Variants in LRP1B observed in about 807,000 individuals in gnomAD.
LRP1B encodes the protein low-density lipoprotein receptor-related protein 1B.
LRP1B carries 217 observed loss-of-function variants against 556.6 expected under a neutral mutation model. The ratio of observed to expected loss-of-function variants is 0.39; its 90% CI spans 0.35 to 0.44. The LOEUF is 0.44. Ranked by LOEUF, LRP1B falls within the 20% of genes least tolerant of loss-of-function variation. The pLI is 1.00. For missense variants in LRP1B, 5,053 were observed against 5,620.8 expected (o/e 0.90, Z 3.23); for synonymous variants, 2,047 against 1,865.8 (o/e 1.10, Z -2.50).
intron 1 of LRP1B, among the ~76,000 whole-genome samples, chr2:142,102,889 A>C (rs1267725791): frequency 6.6e-6 from 1 of 151,892 alleles, no homozygotes; most frequent in African/African-American, 2.4e-5. Flanking sequence ...AATAACTAAG[A>C]ATAATTTGGT....
chr2:141,888,151 G>A (rs565535052), intron 1 of LRP1B, among the ~76,000 whole-genome samples: 34 of 152,234 alleles, frequency 2.2e-4, no homozygotes, highest in South Asian at 1.0e-3. Context: ...TGGTCAAAAT[G>A]TTCACCTAAT....
chr2:140,398,234 A>C (rs896260565), intron 66 of LRP1B, among the ~76,000 whole-genome samples: 2 of 152,180 alleles, frequency 1.3e-5, no homozygotes, highest in African/African-American at 2.4e-5. Flanking sequence ...ATTTTATCTA[A>C]ATTATTATTT....
intron 27 of LRP1B, among the ~76,000 whole-genome samples, chr2:140,861,946 T>C (rs114114799): frequency 0.011 from 1,610 of 152,338 alleles, 21 homozygotes; most frequent in African/African-American, 0.032. Flanking sequence ...GTGCCCTTTT[T>C]CTGAGCATTC....
intron 35 of LRP1B, among the ~76,000 whole-genome samples, chr2:140,761,034 C>T (rs573899171): frequency 3.3e-5 from 5 of 152,260 alleles, no homozygotes; most frequent in South Asian, 2.1e-4. Context: ...AAAATATATA[C>T]GTGTGAATTT....
intron 60 of LRP1B, among the ~76,000 whole-genome samples, chr2:140,473,630 T>C (rs1205097409): frequency 6.6e-6 from 1 of 151,912 alleles, no homozygotes; most frequent in Non-Finnish European, 1.5e-5. Flanking sequence ...CTATTCAGAC[T>C]TCAAAGACTC....
In LRP1B at chr2:140,485,330, A is replaced by C. The variant is rs529076512; in HGVS notation, c.9425+13T>G. 1.5e-5 allele frequency: 24 copies of C among 1,599,718 alleles called. No individual in the cohort carries two copies. The highest frequency in any genetic ancestry group is 1.3e-5 in the African/African-American group (1 of 74,114). ...AGTCTTAAACTTTAAGATTTTTAACAGTTTTTACAAACCCAGCTTGAGGAT... is the reference window on the plus strand; with the variant it reads ...AGTCTTAAACTTTAAGATTTTTAACCGTTTTTACAAACCCAGCTTGAGGAT... On this transcript the variant is annotated intron_variant, in intron 59 of 90. Transcript: ENST00000389484.
intron 7 of LRP1B, among the ~76,000 whole-genome samples, chr2:141,180,410 C>T (rs1208545901): frequency 2.0e-5 from 3 of 151,502 alleles, no homozygotes; most frequent in African/African-American, 4.8e-5. Context: ...TTCTTTTATG[C>T]TATTTGCACA....
intron 1 of LRP1B, among the ~76,000 whole-genome samples, chr2:141,988,045 C>A (rs1702247931): frequency 6.6e-6 from 1 of 151,668 alleles, no homozygotes; most frequent in African/African-American, 2.4e-5. Context: ...TCAATTATTT[C>A]TATGTCTAAA....
At chr2:141,891,718 T>C (rs1415551543) in intron 1 of LRP1B, among the ~76,000 whole-genome samples, 1 of 152,120 alleles carries the variant, frequency 6.6e-6, no homozygotes, top group Non-Finnish European at 1.5e-5. Context: ...TCTAAGCAAT[T>C]TATATTTTGC....
chr2:141,053,485 G>T (rs546373143), intron 10 of LRP1B, among the ~76,000 whole-genome samples: 1 of 152,006 alleles, frequency 6.6e-6, no homozygotes, highest in Non-Finnish European at 1.5e-5. Context: ...TCAGCTAAAT[G>T]GTATGTTTTT....
At position 140,356,337 on chromosome 2, in the gene LRP1B, T is replaced by C; in HGVS notation, c.11530+5A>G. 6.2e-7 allele frequency: 1 copy of C among 1,610,044 alleles called. No homozygotes were observed. Among genetic ancestry groups the C allele is most frequent in the Non-Finnish European group, 8.5e-7 (1 of 1,177,358 alleles). ...TGAGCAAACTGTTGAAGAAAAGTACTCTACCTTCACATTGTCTGTTTTTCA... is the reference window on the plus strand; with the variant it reads ...TGAGCAAACTGTTGAAGAAAAGTACCCTACCTTCACATTGTCTGTTTTTCA... On this transcript the variant is annotated splice_donor_5th_base_variant and intron_variant, in intron 75 of 90. Transcript: ENST00000389484.
chr2:141,323,995 TCACA>T (rs57960872), intron 3 of LRP1B, among the ~76,000 whole-genome samples: 2 of 107,252 alleles, frequency 1.9e-5, no homozygotes, highest in African/African-American at 3.7e-5. Context: ...AGCAAGGAAA[TCACA>T]CACACACACA....
intron 2 of LRP1B, among the ~76,000 whole-genome samples, chr2:141,622,641 C>T (rs1188941056): frequency 3.3e-5 from 5 of 152,128 alleles, no homozygotes; most frequent in Non-Finnish European, 4.4e-5. Context: ...GCTATGTATC[C>T]ACACAGTCTC....
chr2:141,489,312 C>T (rs1275107452), intron 2 of LRP1B, among the ~76,000 whole-genome samples: 1 of 151,908 alleles, frequency 6.6e-6, no homozygotes, highest in Admixed American at 6.6e-5. Context: ...ATGCTTTTCA[C>T]ACACAGTTAG....
At chr2:140,322,951 A>T (rs915561381) in intron 81 of LRP1B, among the ~76,000 whole-genome samples, 7 of 151,996 alleles carry the variant, frequency 4.6e-5, no homozygotes, top group Non-Finnish European at 8.8e-5. Flanking sequence ...TCCTCATATT[A>T]ACCTTGGAAC....
chr2:141,382,409 G>A (rs1689675669), intron 3 of LRP1B, among the ~76,000 whole-genome samples: 1 of 152,226 alleles, frequency 6.6e-6, no homozygotes, highest in South Asian at 2.1e-4. Context: ...AGAACTGCCT[G>A]TGCAGAGACT....
Position 140,383,532 on chromosome 2 carries a change from T to C in LRP1B, c.10531+2361A>G, listed in dbSNP as rs1449979346. ...TCAATGTTGAAACCTTCCCATTTCTTCTGGCCTATTCAAAATAGTATCTTC... is the reference window on the plus strand; with the variant it reads ...TCAATGTTGAAACCTTCCCATTTCTCCTGGCCTATTCAAAATAGTATCTTC... On this transcript the variant is annotated intron_variant, in intron 67 of 90. Transcript: ENST00000389484. 2.0e-5 allele frequency among the ~76,000 whole-genome samples: 3 copies of C among 152,136 alleles called. No homozygotes were observed. In the East Asian group the frequency reaches 5.8e-4, roughly 29 times the overall value.
At chr2:141,393,178 G>A (rs1307062540) in intron 3 of LRP1B, among the ~76,000 whole-genome samples, 1 of 151,930 alleles carries the variant, frequency 6.6e-6, no homozygotes, top group African/African-American at 2.4e-5. Context: ...AGTTTCTATA[G>A]TAAGTTCCCA....
chr2:141,061,571 T>A (rs1292465155), intron 8 of LRP1B, among the ~76,000 whole-genome samples: 1 of 151,796 alleles, frequency 6.6e-6, no homozygotes, highest in South Asian at 2.1e-4. Context: ...TTTTAGGAAG[T>A]ACTTGAATAC....
Sources: allele counts gnomAD v4.1 joint callset (sites outside exome capture counted in the v4.1 genomes callset), GRCh38; gene constraint gnomAD v4.1.1; transcripts MANE v1.5; gene names NCBI Gene and HGNC (gene_info 2026-07-23, HGNC 2026-07-21).